PITPNB: variants seen among roughly 807,000 people sequenced by gnomAD.
PITPNB encodes the protein phosphatidylinositol transfer protein beta isoform.
Under a neutral mutation model 45.9 loss-of-function variants are expected in PITPNB, and 16 were observed. The observed-to-expected ratio is 0.35, with a 90% CI of 0.24 to 0.53. The LOEUF (loss-of-function observed/expected upper bound fraction) is 0.53, where lower values mean the gene tolerates loss of function less well. PITPNB is among the 20% of genes least tolerant of loss of function. PITPNB has a pLI of 0.93. For missense variants in PITPNB, 188 were observed against 330.5 expected (o/e 0.57, Z 3.34); for synonymous variants, 112 against 108.9 (o/e 1.03, Z -0.18).
intron 7 of PITPNB, among the ~76,000 whole-genome samples, chr22:27,885,414 G>T (rs1473150857): frequency 1.3e-5 from 2 of 151,994 alleles, no homozygotes; most frequent in East Asian, 3.9e-4. Context: ...CTTACACTGT[G>T]GTGTTTTATG....
At chr22:27,898,426 G>GTT (rs956443373) in intron 3 of PITPNB, among the ~76,000 whole-genome samples, 162 of 143,112 alleles carry the variant, frequency 1.1e-3, no homozygotes, top group Non-Finnish European at 1.2e-3. Context: ...TGTGTGTGTG[G>GTT]TTTTTTTTTT....
At chr22:27,855,237 T>A (rs1934137702) in intron 10 of PITPNB, among the ~76,000 whole-genome samples, 1 of 152,180 alleles carries the variant, frequency 6.6e-6, no homozygotes, top group African/African-American at 2.4e-5. Context: ...CAATATAATG[T>A]GAGAAAATAC....
At chr22:27,878,689 T>C (rs1220436810) in intron 7 of PITPNB, among the ~76,000 whole-genome samples, 1 of 152,222 alleles carries the variant, frequency 6.6e-6, no homozygotes, top group East Asian at 1.9e-4. Context: ...CACAAATTAA[T>C]AGAGTAACAA....
intron 8 of PITPNB, among the ~76,000 whole-genome samples, chr22:27,861,280 T>G (rs1205736056): frequency 6.6e-6 from 1 of 151,896 alleles, no homozygotes; most frequent in Non-Finnish European, 1.5e-5. Context: ...CAGCCTGGGC[T>G]ACAGGGCAAG....
At chr22:27,859,252 A>AG (rs775081782) in intron 9 of PITPNB, among the ~76,000 whole-genome samples, 5 of 152,216 alleles carry the variant, frequency 3.3e-5, no homozygotes, top group Non-Finnish European at 5.9e-5. Context: ...TCCGAGAGGA[A>AG]GGAAGAATGC....
At position 27,872,063 on chromosome 22, in the gene PITPNB, G is replaced by A. The variant is rs147966919; in HGVS notation, c.534+1675C>T. 6.9e-3 allele frequency among the ~76,000 whole-genome samples: 982 copies of A among 143,284 alleles called. 7 individuals carry two copies. Among genetic ancestry groups the A allele is most frequent in the African/African-American group, 0.023 (886 of 38,666 alleles). The allele number at this position is 143,284 out of a possible 152,430, so 94.0% of individuals were successfully genotyped here. A position where few individuals can be genotyped will look rare whatever the true frequency, so the allele number is the denominator to read the frequency against. On this transcript the variant is annotated intron_variant, in intron 8 of 11. Coordinates refer to ENST00000335272, the MANE Select transcript of PITPNB (RefSeq NM_012399.5). ...TGCTTCCTATACAGTGTGCAGAACC[G>A]TGAGCCAATTAAGCCTGGTTTTTTT...
chr22:27,855,495 G>A (rs1934146463), intron 10 of PITPNB, among the ~76,000 whole-genome samples: 1 of 152,158 alleles, frequency 6.6e-6, no homozygotes, highest in Non-Finnish European at 1.5e-5. Flanking sequence ...AGAAAGGACA[G>A]GCATTCATAA....
In PITPNB at chr22:27,887,168, C is replaced by G. The variant is rs555086969; in HGVS notation, c.456+7387G>C. Among the ~76,000 whole-genome samples the G allele has an allele frequency of 3.9e-5, 6 of 152,252 alleles. No individual in the cohort carries two copies. In the South Asian group the frequency reaches 1.2e-3, roughly 32 times the overall value. Reference sequence around the variant, plus strand: ...TGGATATTCACAACTGCATAGGTAACCAGATTCTACATGTGAGGTGTTACC... The same window carrying G: ...TGGATATTCACAACTGCATAGGTAAGCAGATTCTACATGTGAGGTGTTACC... On this transcript the variant is annotated intron_variant, in intron 7 of 11. Coordinates refer to ENST00000335272, the MANE Select transcript of PITPNB (RefSeq NM_012399.5).
At chr22:27,883,451 C>T (rs765854805) in intron 7 of PITPNB, among the ~76,000 whole-genome samples, 27 of 152,228 alleles carry the variant, frequency 1.8e-4, no homozygotes, top group Non-Finnish European at 2.9e-4. Flanking sequence ...GCCTATGCTA[C>T]AATCTTCACC....
intron 2 of PITPNB, among the ~76,000 whole-genome samples, chr22:27,912,218 A>G (rs996815577): frequency 5.3e-5 from 8 of 152,210 alleles, no homozygotes; most frequent in African/African-American, 1.4e-4. Context: ...TACAAATCAC[A>G]TGGAGATATG....
chr22:27,917,595 A>C (rs720621), intron 1 of PITPNB, among the ~76,000 whole-genome samples: 80,437 of 152,050 alleles, frequency 0.53, 22,211 homozygotes, highest in African/African-American at 0.66. Flanking sequence ...ACTCTACCAA[A>C]AAAAGGCAAA....
chr22:27,905,740 AAAGTG>A (rs1935737334), intron 3 of PITPNB, among the ~76,000 whole-genome samples: 1 of 152,214 alleles, frequency 6.6e-6, no homozygotes, highest in Non-Finnish European at 1.5e-5. Context: ...GAAGATGGCG[AAAGTG>A]TAACACTTAC....
At chr22:27,866,591 A>C (rs1006266204) in intron 8 of PITPNB, among the ~76,000 whole-genome samples, 1 of 152,208 alleles carries the variant, frequency 6.6e-6, no homozygotes, top group African/African-American at 2.4e-5. Flanking sequence ...TATTTTCTAA[A>C]AATACAGTCC....
At chr22:27,871,481 T>A (rs1169758390) in intron 8 of PITPNB, among the ~76,000 whole-genome samples, 1 of 152,220 alleles carries the variant, frequency 6.6e-6, no homozygotes, top group East Asian at 1.9e-4. Flanking sequence ...CAAGATGTAC[T>A]TTTTTAGAAG....
At position 27,919,214 on chromosome 22, in the gene PITPNB, T is replaced by TGCCGCCGATACC. The variant is rs756703550; in HGVS notation, c.-35_-24dup. ...CATCTTCCCGGAACCCCCTCACAGC[T>TGCCGCCGATACC]GCCGCCGATACCACCGCCGCCGCCG... On this transcript the variant is annotated 5_prime_UTR_variant, in exon 1 of 12. Coordinates refer to ENST00000335272, the MANE Select transcript of PITPNB (RefSeq NM_012399.5). 2.9e-5 allele frequency: 47 copies of TGCCGCCGATACC among 1,603,436 alleles called. No individual in the cohort carries two copies. In the East Asian group the frequency reaches 7.8e-4, roughly 27 times the overall value.
intron 7 of PITPNB, among the ~76,000 whole-genome samples, chr22:27,885,697 T>C (rs1040383624): frequency 1.9e-4 from 29 of 152,194 alleles, no homozygotes; most frequent in African/African-American, 7.0e-4. Context: ...ATTTAAGGCA[T>C]ATAATATATA....
At position 27,885,212 on chromosome 22, in the gene PITPNB, T is replaced by TAAAAAAAAAAAAA. The variant is rs71194746; in HGVS notation, c.456+9330_456+9342dup. ...AAAGAGCCAGATTCAAATTTATACCTAAAAAAAAAAAAAAAAAAAAAAAAA... is the reference window on the plus strand; with the variant it reads ...AAAGAGCCAGATTCAAATTTATACCTAAAAAAAAAAAAAAAAAAAAAAAAAAAAAAAAAAAAAA... On this transcript the variant is annotated intron_variant, in intron 7 of 11. Coordinates refer to ENST00000335272, the MANE Select transcript of PITPNB (RefSeq NM_012399.5). 1.3e-3 allele frequency among the ~76,000 whole-genome samples: 39 copies of TAAAAAAAAAAAAA among 30,232 alleles called. 6 individuals carry two copies. The highest frequency in any genetic ancestry group is 2.0e-3 in the African/African-American group (18 of 9,064). 19.8% of individuals were successfully genotyped at this position (30,232 alleles called of 152,430 possible).
At chr22:27,893,505 G>A (rs1420531946) in intron 7 of PITPNB, among the ~76,000 whole-genome samples, 3 of 149,526 alleles carry the variant, frequency 2.0e-5, no homozygotes, top group East Asian at 2.0e-4. Context: ...GGATGGTCTC[G>A]ATCTCCTGAC....
chr22:27,857,606 C>T (rs1934209474), intron 10 of PITPNB, among the ~76,000 whole-genome samples: 1 of 152,182 alleles, frequency 6.6e-6, no homozygotes, highest in Non-Finnish European at 1.5e-5. Context: ...CTCGAGATGA[C>T]CACATGGAAA....
Sources: allele counts gnomAD v4.1 joint callset (sites outside exome capture counted in the v4.1 genomes callset), GRCh38; gene constraint gnomAD v4.1.1; transcripts MANE v1.5; gene names NCBI Gene and HGNC (gene_info 2026-07-23, HGNC 2026-07-21).